The following NPAS3 variants were observed in gnomAD, a reference collection of about 807,000 sequenced individuals.
NPAS3 encodes neuronal PAS domain-containing protein 3.
In NPAS3, 14 loss-of-function variants were observed where a neutral mutation model predicts 73.1. The observed-to-expected ratio is 0.19, with a 90% CI of 0.13 to 0.30. The LOEUF (loss-of-function observed/expected upper bound fraction) is 0.30. NPAS3 is among the 10% of genes least tolerant of loss of function. NPAS3 has a pLI of 1.00. For missense variants in NPAS3, 1,096 were observed against 1,250.0 expected (o/e 0.88, Z 1.86); for synonymous variants, 620 against 541.5 (o/e 1.14, Z -2.01).
chr14:33,775,842 T>C (rs976139269), intron 8 of NPAS3, among the ~76,000 whole-genome samples: 1 of 152,230 alleles, frequency 6.6e-6, no homozygotes, highest in African/African-American at 2.4e-5. Flanking sequence ...CTAATAAAGA[T>C]GGCTGGCGTT....
intron 5 of NPAS3, among the ~76,000 whole-genome samples, chr14:33,636,903 G>GCGCACACACA (rs113786393): frequency 6.7e-6 from 1 of 149,174 alleles, no homozygotes; most frequent in African/African-American, 2.5e-5. Context: ...CTCGGAGTGT[G>GCGCACACACA]CACACACACA....
intron 9 of NPAS3, among the ~76,000 whole-genome samples, chr14:33,789,588 T>TTTTTTTC: frequency 9.2e-6 from 1 of 108,944 alleles, no homozygotes; most frequent in Non-Finnish European, 1.7e-5. Context: ...TACAACTTTT[T>TTTTTTTC]TTTTTTTTTT....
At chr14:33,309,956 G>T (rs1222082096) in intron 3 of NPAS3, among the ~76,000 whole-genome samples, 1 of 152,246 alleles carries the variant, frequency 6.6e-6, no homozygotes, top group East Asian at 1.9e-4. Flanking sequence ...TGGAATGTTG[G>T]GCTGGGTGAG....
At chr14:33,169,301 C>T (rs925204172) in intron 2 of NPAS3, among the ~76,000 whole-genome samples, 29 of 152,206 alleles carry the variant, frequency 1.9e-4, no homozygotes, top group Non-Finnish European at 2.9e-5. Context: ...GGCACGATGG[C>T]TCATGCCTGT....
At chr14:33,618,062 A>G (rs2057973581) in intron 5 of NPAS3, among the ~76,000 whole-genome samples, 1 of 152,142 alleles carries the variant, frequency 6.6e-6, no homozygotes, top group Non-Finnish European at 1.5e-5. Context: ...ATTATATATA[A>G]AGAAATTAAA....
intron 2 of NPAS3, among the ~76,000 whole-genome samples, chr14:33,151,854 T>C (rs557283693): frequency 6.6e-6 from 1 of 152,296 alleles, no homozygotes; most frequent in African/African-American, 2.4e-5. Flanking sequence ...GTTAGTCTCT[T>C]TCTCTCTAAG....
At chr14:33,108,769 A>G (rs890321704) in intron 2 of NPAS3, among the ~76,000 whole-genome samples, 3 of 152,182 alleles carry the variant, frequency 2.0e-5, no homozygotes, top group Non-Finnish European at 4.4e-5. Flanking sequence ...AGGGTCACTA[A>G]AATTCCAATA....
intron 2 of NPAS3, among the ~76,000 whole-genome samples, chr14:33,157,589 G>A (rs944329492): frequency 2.6e-5 from 4 of 152,046 alleles, no homozygotes; most frequent in Non-Finnish European, 5.9e-5. Flanking sequence ...TCTTTTTGTG[G>A]TCAAGAAAGA....
At chr14:33,760,529 GACTAGGAC>G (rs1489061655) in intron 7 of NPAS3, among the ~76,000 whole-genome samples, 3 of 152,124 alleles carry the variant, frequency 2.0e-5, no homozygotes, top group Non-Finnish European at 2.9e-5. Flanking sequence ...GACCAGGAAA[GACTAGGAC>G]ACCCACCCCT....
chr14:33,127,536 T>C (rs1356051310), intron 2 of NPAS3, among the ~76,000 whole-genome samples: 1 of 152,118 alleles, frequency 6.6e-6, no homozygotes, highest in Non-Finnish European at 1.5e-5. Context: ...GGCTTCTTCC[T>C]CCAAACAAGC....
intron 1 of NPAS3, among the ~76,000 whole-genome samples, chr14:32,985,496 T>G (rs1595154551): frequency 6.6e-6 from 1 of 152,362 alleles, no homozygotes; most frequent in Non-Finnish European, 1.5e-5. Context: ...CTGCTTGTTT[T>G]CTGTAAATAA....
At chr14:33,324,629 A>G (rs1420585972) in intron 3 of NPAS3, among the ~76,000 whole-genome samples, 1 of 152,218 alleles carries the variant, frequency 6.6e-6, no homozygotes, top group Non-Finnish European at 1.5e-5. Flanking sequence ...TTTCATAGCG[A>G]TAGAAAATAA....
At chr14:33,784,426 A>C (rs2138556254) in intron 9 of NPAS3, among the ~76,000 whole-genome samples, 1 of 152,362 alleles carries the variant, frequency 6.6e-6, no homozygotes, top group Non-Finnish European at 1.5e-5. Context: ...CAAAACACAG[A>C]AACCCCAGAG....
At chr14:33,535,569 A>G (rs1054737991) in intron 4 of NPAS3, among the ~76,000 whole-genome samples, 1 of 152,222 alleles carries the variant, frequency 6.6e-6, no homozygotes, top group African/African-American at 2.4e-5. Context: ...TTAGTTCCCA[A>G]CACATAGTAG....
chr14:33,644,996 G>A (rs1033353429), intron 5 of NPAS3, among the ~76,000 whole-genome samples: 7 of 150,592 alleles, frequency 4.6e-5, no homozygotes, highest in South Asian at 2.1e-4. Flanking sequence ...CAGGAGAATC[G>A]CTTGAAACCG....
chr14:33,800,147 C>A lies in NPAS3; in HGVS notation c.1840C>A (p.Arg614Ser), dbSNP rs376318538. ...ACGGCAAAAGGGCGGCAGCGCCAGC[C>A]GCCGGCGCCTGTCCAGCGCGTCGAG... The change falls in exon 12 of 12, where the codon CGC (arginine) becomes AGC (serine). Residue 614 changes from arginine to serine, a missense_variant. Physicochemically the swap from Arg to Ser is moderately radical, Grantham distance 110. This residue lies in a region of NPAS3 where 698 missense variants were observed against 676.7 expected (regional missense o/e 1.03). Transcript: ENST00000356141. This position sits in a 1 kb window ranked among gnomAD's most constrained non-coding sequence, Gnocchi z 6.5. The A allele has an allele frequency of 1.3e-6, 2 of 1,593,776 alleles. No homozygotes were observed. The highest frequency in any genetic ancestry group is 1.7e-6 in the Non-Finnish European group (2 of 1,171,288).
chr14:33,257,876 T>C (rs1594528344), intron 3 of NPAS3, among the ~76,000 whole-genome samples: 1 of 152,188 alleles, frequency 6.6e-6, no homozygotes, highest in African/African-American at 2.4e-5. Context: ...TTTATGCCAG[T>C]AATCATAAAG....
rs771990853 is a variant in NPAS3 at position 33,215,422 on chromosome 14, A to G, written c.381A>G (p.Val127=). The change falls in exon 3 of 12, where the codon GTA becomes GTG. Residue 127 remains valine (V), a synonymous_variant. Coordinates refer to ENST00000356141, the Ensembl canonical transcript of NPAS3. ...AAGGCCCTCCACCTAACACATCAGT[A>G]AAAGGTAAGTTTTAGGTCACTGTTC... The G allele has an allele frequency of 6.2e-6, 10 of 1,613,904 alleles. No individual in the cohort carries two copies. In the Admixed American group the frequency reaches 1.7e-4, roughly 27 times the overall value.
chr14:33,164,036 T>C (rs2045025037), intron 2 of NPAS3, among the ~76,000 whole-genome samples: 1 of 152,238 alleles, frequency 6.6e-6, no homozygotes, highest in Non-Finnish European at 1.5e-5. Flanking sequence ...AGACTTCTTT[T>C]AGAAAGAGCT....
Sources: gnomAD v4.1 joint callset for allele counts (sites outside exome capture counted in the v4.1 genomes callset) on GRCh38, gnomAD v4.1.1 for gene constraint, gnomAD v4.1.1 regional missense constraint, Gnocchi (gnomAD v3.1) non-coding constraint, MANE v1.5 for transcripts, NCBI Gene and HGNC (gene_info 2026-07-23, HGNC 2026-07-21) for gene names.